The following CFAP47 variants were observed in gnomAD, a reference collection of about 807,000 sequenced individuals.
CFAP47 encodes the protein cilia and flagella associated protein 47, also known as cilia- and flagella-associated protein 47.
Under a neutral mutation model 148.1 loss-of-function variants are expected in CFAP47, and 29 were observed. The observed-to-expected ratio is 0.20, with a 90% CI of 0.15 to 0.27. The LOEUF is 0.27. Among genes scored for constraint, CFAP47 ranks in the 10% least tolerant of loss-of-function variants. The pLI, the probability that CFAP47 is intolerant of heterozygous loss-of-function variation, is 1.00. For synonymous variants in CFAP47, 664 were observed against 577.3 expected (o/e 1.15, Z -2.15); for missense variants, 1,872 against 1,697.5 (o/e 1.10, Z -1.81).
intron 62 of CFAP47, among the ~76,000 whole-genome samples, chrX:36,374,480 A>C (rs1183646432): frequency 2.7e-5 from 3 of 110,716 alleles, no homozygotes; most frequent in Non-Finnish European, 3.8e-5. Flanking sequence ...TTATTTTTAA[A>C]ATACTCTTTG....
At chrX:36,156,265 A>G (rs139909285) in intron 37 of CFAP47, among the ~76,000 whole-genome samples, 1,631 of 110,977 alleles carry the variant, frequency 0.015, 11 homozygotes, top group Non-Finnish European at 0.021. Flanking sequence ...ATATAATTAT[A>G]TATTTATGTG....
intron 52 of CFAP47, among the ~76,000 whole-genome samples, chrX:36,300,531 C>T (rs1013425861): frequency 1.1e-4 from 12 of 111,180 alleles, no homozygotes; most frequent in Admixed American, 1.9e-4. Context: ...CCTCGTGATC[C>T]GCCTGCCTCG....
chrX:35,989,573 A>G (rs749164500), intron 16 of CFAP47, 124 bp downstream of exon 16: 2 of 1,170,155 alleles, frequency 1.7e-6, no homozygotes, highest in East Asian at 6.0e-5. Flanking sequence ...ATGCAACAGT[A>G]CTAGTTTTTT....
intron 26 of CFAP47, among the ~76,000 whole-genome samples, chrX:36,049,436 G>T (rs1238029224): frequency 9.3e-6 from 1 of 107,812 alleles, no homozygotes; most frequent in Non-Finnish European, 1.9e-5. Flanking sequence ...ATTTTCCAAA[G>T]AATAAGAGAT....
chrX:36,290,002 A>T (rs1941177797), intron 51 of CFAP47, among the ~76,000 whole-genome samples: 1 of 109,870 alleles, frequency 9.1e-6, no homozygotes, highest in African/African-American at 3.3e-5. Context: ...TTTCTCTCTC[A>T]GTCTCCCCCA....
chrX:36,021,922 C>G (rs751729294), intron 22 of CFAP47: 1 of 111,379 alleles, frequency 9.0e-6, no homozygotes, highest in African/African-American at 3.3e-5. Context: ...CATTGATGGG[C>G]ATTTGGGTTG....
chrX:35,950,565 G>C (rs1339568755), intron 4 of CFAP47, among the ~76,000 whole-genome samples: 1 of 110,354 alleles, frequency 9.1e-6, no homozygotes, highest in African/African-American at 3.3e-5. Flanking sequence ...GTAGAGATAG[G>C]GTCTCACTGT....
chrX:36,322,253 A>C (rs782138967), intron 57 of CFAP47, among the ~76,000 whole-genome samples: 1 of 110,109 alleles, frequency 9.1e-6, no homozygotes, highest in African/African-American at 3.3e-5. Flanking sequence ...TTCTTATTTT[A>C]TTTCTTTCTC....
At chrX:35,983,678 T>C (rs1348148880) in intron 15 of CFAP47, among the ~76,000 whole-genome samples, 1 of 111,124 alleles carries the variant, frequency 9.0e-6, no homozygotes, top group Non-Finnish European at 1.9e-5. Flanking sequence ...CATGAAGGGA[T>C]GTGGAATTAT....
intron 28 of CFAP47, 37 bp downstream of exon 28, chrX:36,072,008 G>A (rs376898823): frequency 5.8e-5 from 61 of 1,059,011 alleles, no homozygotes; most frequent in Non-Finnish European, 7.8e-5. Context: ...TCCAAAATTA[G>A]TCCATGACAT....
chrX:36,067,321 C>G (rs767785297), intron 27 of CFAP47, among the ~76,000 whole-genome samples: 1 of 111,373 alleles, frequency 9.0e-6, no homozygotes, highest in Admixed American at 9.6e-5. Flanking sequence ...AACAACATAA[C>G]CCAAACTGAA....
At chrX:35,932,584 TTC>T (rs1244738778) in intron 2 of CFAP47, among the ~76,000 whole-genome samples, 6 of 109,980 alleles carry the variant, frequency 5.5e-5, no homozygotes, top group Non-Finnish European at 1.1e-4. Context: ...TACTCCAAGA[TTC>T]TCTCTTTTAT....
intron 30 of CFAP47, among the ~76,000 whole-genome samples, chrX:36,092,713 A>T (rs1938207314): frequency 9.1e-6 from 1 of 110,253 alleles, no homozygotes; most frequent in Admixed American, 9.6e-5. Context: ...TAATCTCATC[A>T]TGGAAGATAG....
chrX:36,169,029 G>A (rs1296792590), intron 39 of CFAP47, among the ~76,000 whole-genome samples: 1 of 111,025 alleles, frequency 9.0e-6, no homozygotes, highest in Admixed American at 9.6e-5. Context: ...TTTTGAAGGA[G>A]AGTTTTTTCT....
intron 57 of CFAP47, among the ~76,000 whole-genome samples, chrX:36,325,499 T>C (rs1941510914): frequency 2.7e-5 from 3 of 111,816 alleles, no homozygotes; most frequent in South Asian, 7.5e-4. Context: ...AACATCACTG[T>C]TACGGAATAG....
chrX:36,156,720 C>T (rs183825913), intron 37 of CFAP47, among the ~76,000 whole-genome samples: 303 of 110,200 alleles, frequency 2.7e-3, no homozygotes, highest in African/African-American at 9.7e-3. Context: ...ATAGAAATGC[C>T]TGGAGACTTA....
chrX:36,375,178 C>T (rs782378142), intron 62 of CFAP47: 7 of 295,952 alleles, frequency 2.4e-5, no homozygotes, highest in Non-Finnish European at 4.4e-5. Flanking sequence ...CATTCATGAG[C>T]ACCATTGTGG....
Position 36,353,779 on chromosome X carries a change from G to A in CFAP47, c.8851+98G>A, listed in dbSNP as rs1602122512. 3.8e-5 allele frequency: 24 copies of A among 629,091 alleles called. No individual in the cohort carries two copies. The East Asian group carries it at 8.9e-4, about 23-fold the overall frequency. The allele number at this position is 629,091 out of a possible 1,213,427, so 51.8% of individuals were successfully genotyped here. A position where few individuals can be genotyped will look rare whatever the true frequency, so the allele number is the denominator to read the frequency against. ...ATTGTGCAGTTACATTAAGATCCAT[G>A]TCCATTTACTTTTCATTTCACTACT... On this transcript the variant is annotated intron_variant, in intron 60 of 63. Transcript: ENST00000378653.
At chrX:36,321,371 G>C (rs1357669967) in intron 57 of CFAP47, among the ~76,000 whole-genome samples, 1 of 111,470 alleles carries the variant, frequency 9.0e-6, no homozygotes, top group Non-Finnish European at 1.9e-5. Flanking sequence ...AGATTGGGAA[G>C]AGTAATGGGT....
Sources: gnomAD v4.1 joint callset for allele counts (sites outside exome capture counted in the v4.1 genomes callset) on GRCh38, gnomAD v4.1.1 for gene constraint, MANE v1.5 for transcripts, NCBI Gene and HGNC (gene_info 2026-07-23, HGNC 2026-07-21) for gene names.